Variants in MX2 observed in about 807,000 individuals in gnomAD.
MX2 encodes MX dynamin like GTPase 2, also known as interferon-induced GTP-binding protein Mx2.
MX2 carries 51 observed loss-of-function variants against 74.0 expected under a neutral mutation model. The observed-to-expected ratio is 0.69, with a 90% CI of 0.55 to 0.87. The LOEUF (loss-of-function observed/expected upper bound fraction) is 0.87, where lower values mean the gene tolerates loss of function less well. Ranked by LOEUF, MX2 falls within the 40% of genes least tolerant of loss-of-function variation. The pLI is 0.00. For missense variants in MX2, 832 were observed against 908.7 expected (o/e 0.92, Z 1.09); for synonymous variants, 369 against 339.3 (o/e 1.09, Z -0.96).
At chr21:41,372,443 A>G (rs1164047411) in intron 1 of MX2, among the ~76,000 whole-genome samples, 1 of 152,240 alleles carries the variant, frequency 6.6e-6, no homozygotes, top group Non-Finnish European at 1.5e-5. Context: ...TGAGTCAATT[A>G]TAAATGGATC....
intron 3 of MX2, among the ~76,000 whole-genome samples, chr21:41,379,161 G>A (rs1025360622): frequency 1.3e-5 from 2 of 152,240 alleles, no homozygotes; most frequent in Admixed American, 6.5e-5. Context: ...GAGAGTAAGG[G>A]TGTGGGATGG....
chr21:41,395,870 G>A (rs1034335140), intron 7 of MX2, 85 bp downstream of exon 7: 19 of 1,359,268 alleles, frequency 1.4e-5, no homozygotes, highest in African/African-American at 4.3e-5. Context: ...TGACCAAAGT[G>A]TATGCACAAA....
In MX2 at chr21:41,388,783, T is replaced by C. The variant is rs1465174237; in HGVS notation, c.733-1782T>C. 1.3e-5 allele frequency among the ~76,000 whole-genome samples: 2 copies of C among 152,224 alleles called. No individual in the cohort carries two copies. The highest frequency in any genetic ancestry group is 3.8e-4 in the East Asian group (2 of 5,206). The stretch of plus-strand genomic sequence containing the variant: ...TGCACATGAGTGAGTGTGCATTAAA[T>C]ACGGTGATTCCCAGCCCAGAGCTTT... On this transcript the variant is annotated intron_variant, in intron 5 of 13. Transcript: ENST00000330714. This position sits in a 1 kb window ranked among gnomAD's most constrained non-coding sequence, Gnocchi z 4.0.
At chr21:41,396,373 T>C (rs1317270234) in intron 7 of MX2, among the ~76,000 whole-genome samples, 1 of 152,256 alleles carries the variant, frequency 6.6e-6, no homozygotes, top group African/African-American at 2.4e-5. Context: ...TGTAGGACGC[T>C]GGGATTGTTC....
intron 10 of MX2, chr21:41,399,541 C>T: frequency 3.9e-6 from 2 of 513,844 alleles, no homozygotes; most frequent in South Asian, 5.3e-5. Context: ...GGCAATTCCA[C>T]TGCCTCTGAT....
chr21:41,391,129 A>G (rs1346228472), intron 6 of MX2, among the ~76,000 whole-genome samples: 1 of 152,148 alleles, frequency 6.6e-6, no homozygotes, highest in Non-Finnish European at 1.5e-5. Flanking sequence ...GCTGAATACA[A>G]GTGCTATTGT....
At position 41,366,284 on chromosome 21, in the gene MX2, CT is replaced by C. The variant is rs1194300278; in HGVS notation, c.-72+4234del. ...TAGTCTTATAGATTTGATGAATTCC[CT>C]TTTTGCACCTGTATATCACTCACGG... On this transcript the variant is annotated intron_variant, in intron 1 of 13. Transcript: ENST00000330714. This position sits in a 1 kb window ranked among gnomAD's most constrained non-coding sequence, Gnocchi z 4.5. 6.6e-6 allele frequency: 1 copy of C among 152,220 alleles called. No homozygotes were observed. The highest frequency in any genetic ancestry group is 6.5e-5 in the Admixed American group (1 of 15,280). 9.4% of individuals were successfully genotyped at this position (152,220 alleles called of 1,614,324 possible). A position where few individuals can be genotyped will look rare whatever the true frequency, so the allele number is the denominator to read the frequency against.
At chr21:41,403,140 G>A in intron 11 of MX2, 127 bp from the exon 12 acceptor site, 1 of 728,582 alleles carries the variant, frequency 1.4e-6, no homozygotes, top group South Asian at 1.7e-5. Flanking sequence ...CAGGTCTAGG[G>A]AACTCAGTCT....
chr21:41,395,479 C>A, intron 6 of MX2, 108 bp from the exon 7 acceptor site: 1 of 907,100 alleles, frequency 1.1e-6, no homozygotes, highest in Non-Finnish European at 1.7e-6. Flanking sequence ...AGGATCAAGA[C>A]TGCAGAAGAC....
At chr21:41,396,263 C>T (rs1470377919) in intron 7 of MX2, among the ~76,000 whole-genome samples, 2 of 152,158 alleles carry the variant, frequency 1.3e-5, no homozygotes, top group East Asian at 3.8e-4. Flanking sequence ...CCTCCAGTGC[C>T]CACAGTCATT....
At chr21:41,378,194 G>GAT (rs2089436275) in intron 3 of MX2, among the ~76,000 whole-genome samples, 3 of 151,548 alleles carry the variant, frequency 2.0e-5, no homozygotes, top group African/African-American at 4.8e-5. Context: ...TGCTGGGAGA[G>GAT]ACACGTTGCT....
chr21:41,371,437 C>T (rs2089323656), intron 1 of MX2, among the ~76,000 whole-genome samples: 1 of 152,136 alleles, frequency 6.6e-6, no homozygotes, highest in Non-Finnish European at 1.5e-5. Flanking sequence ...AAAGTTTTTG[C>T]CTTGAGGTCT....
chr21:41,377,298 C>T, intron 2 of MX2, 143 bp downstream of exon 2: 1 of 1,212,106 alleles, frequency 8.3e-7, no homozygotes, highest in East Asian at 2.4e-5. Context: ...TGGTCATGCC[C>T]AACAAGTACC....
Position 41,377,943 on chromosome 21 carries a change from T to G in MX2, c.404T>G (p.Leu135Arg). The G allele has an allele frequency of 6.2e-7, 1 of 1,614,168 alleles. No individual in the cohort carries two copies. The highest frequency in any genetic ancestry group is 8.5e-7 in the Non-Finnish European group (1 of 1,179,990). Reference sequence around the variant, plus strand: ...CAGAGCTCGGGCAAGAGCTCTGTGCTGGAGGCACTGTCAGGAGTCGCGCTT... The same window carrying G: ...CAGAGCTCGGGCAAGAGCTCTGTGCGGGAGGCACTGTCAGGAGTCGCGCTT... ...GDQSSGKSSV[L>R]EALSGVALPR... The change falls in exon 3 of 14, where the codon CTG becomes CGG. Residue 135 changes from leucine to arginine, a missense_variant. By Grantham distance (102) the Leu-to-Arg change is moderately radical. Coordinates refer to ENST00000330714, the MANE Select transcript of MX2 (RefSeq NM_002463.2).
In MX2 at chr21:41,402,077, T is replaced by C. The variant is rs2089821910; in HGVS notation, c.1522T>C (p.Tyr508His). ...YKTFEIIVHQ[Y>H]IQQLVEPALS... The stretch of plus-strand genomic sequence containing the variant: ...GACATTTGAGATCATCGTGCATCAG[T>C]ACATCCAGCAGCTGGTGGAGCCCGC... The change falls in exon 11 of 14, where the codon TAC becomes CAC. Residue 508 changes from tyrosine (Y) to histidine (H), a missense_variant. Transcript: ENST00000330714. The surrounding 1 kb of genome is among the most constrained non-coding windows in gnomAD (Gnocchi z 4.5). 10 of 1,614,046 alleles carry C rather than the reference T, an allele frequency of 6.2e-6. No individual in the cohort carries two copies. Among genetic ancestry groups the C allele is most frequent in the Non-Finnish European group, 8.5e-6 (10 of 1,180,042 alleles).
rs889453935 is a variant in MX2, at chr21:41,409,381, G to A, written c.*1148G>A. 2.0e-5 allele frequency: 3 copies of A among 152,082 alleles called. No homozygotes were observed. The highest frequency in any genetic ancestry group is 2.0e-4 in the Admixed American group (3 of 15,262). 9.4% of individuals were successfully genotyped at this position (152,082 alleles called of 1,614,324 possible). On this transcript the variant is annotated 3_prime_UTR_variant, in exon 14 of 14. Coordinates refer to ENST00000330714, the MANE Select transcript of MX2 (RefSeq NM_002463.2). ...AACATATAGATTCCTTAATAAAAAG[G>A]CAATAGAATAAATATCATTGCTGAT...
chr21:41,395,889 G>A (rs2089728313), intron 7 of MX2, 104 bp downstream of exon 7: 1 of 1,161,054 alleles, frequency 8.6e-7, no homozygotes, highest in Non-Finnish European at 1.2e-6. Context: ...AATTACACAA[G>A]GTAGTATAAC....
intron 5 of MX2, among the ~76,000 whole-genome samples, chr21:41,387,787 T>C (rs1366008056): frequency 6.6e-6 from 1 of 152,140 alleles, no homozygotes; most frequent in East Asian, 1.9e-4. Context: ...CCTTTGAGCA[T>C]CTAATCGGTA....
rs772810358 is a variant in MX2 at position 41,397,693 on chromosome 21, T to A, written c.1149+2T>A. ...ACTGAACTCATCATGCATATCCAAG[T>A]GAGCCACGTGGGTTGGGTGACAAGT... On this transcript the variant is annotated splice_donor_variant, in intron 8 of 13. Coordinates refer to ENST00000330714, the MANE Select transcript of MX2 (RefSeq NM_002463.2). LOFTEE classifies it high-confidence loss of function. The A allele has an allele frequency of 2.5e-6, 4 of 1,613,616 alleles. No homozygotes were observed. The African/African-American group carries it at 4.0e-5, about 16-fold the overall frequency.
Sources: gnomAD v4.1 joint callset for allele counts (sites outside exome capture counted in the v4.1 genomes callset) on GRCh38, gnomAD v4.1.1 for gene constraint, Gnocchi (gnomAD v3.1) non-coding constraint, MANE v1.5 for transcripts, NCBI Gene and HGNC (gene_info 2026-07-23, HGNC 2026-07-21) for gene names.